ANO3: variants seen among roughly 807,000 people sequenced by gnomAD.
The protein encoded by ANO3 is anoctamin-3.
In ANO3, 99 loss-of-function variants were observed where a neutral mutation model predicts 144.8. The observed-to-expected ratio is 0.68, with a 90% confidence interval of 0.58 to 0.81. The LOEUF (loss-of-function observed/expected upper bound fraction) is 0.81. Among genes scored for constraint, ANO3 ranks in the 30% least tolerant of loss-of-function variants. The pLI is 0.00. For missense variants in ANO3, 905 were observed against 1,202.2 expected, an observed-to-expected ratio of 0.75 and a Z score of 3.66; for synonymous variants, 414 against 392.6, an observed-to-expected ratio of 1.05 and a Z score of -0.64.
Position 26,463,023 on chromosome 11 carries a change from T to C in ANO3, c.314-7T>C, listed in dbSNP as rs1859469146. On this transcript the variant is annotated splice_region_variant and splice_polypyrimidine_tract_variant and intron_variant, in intron 3 of 26. Transcript: ENST00000256737. ...AATGGATATAACTTTCTCTTTCTCT[T>C]TTATAGCCCTAGGAAAAGATAAGGA... 1 of 1,450,616 alleles carries C rather than the reference T, an allele frequency of 6.9e-7. No individual in the cohort carries two copies. Among genetic ancestry groups the C allele is most frequent in the Non-Finnish European group, 9.4e-7 (1 of 1,068,706 alleles). The allele number at this position is 1,450,616 out of a possible 1,614,324, so 89.9% of individuals were successfully genotyped here. A position where few individuals can be genotyped will look rare whatever the true frequency, so the allele number is the denominator to read the frequency against.
intron 1 of ANO3, among the ~76,000 whole-genome samples, chr11:26,371,308 T>G (rs1349142297): frequency 6.6e-6 from 1 of 152,168 alleles, no homozygotes; most frequent in African/African-American, 2.4e-5. Context: ...AAAGACAATA[T>G]TTGCATTTTG....
chr11:26,413,472 T>C (rs1317380047), intron 1 of ANO3, among the ~76,000 whole-genome samples: 3 of 152,078 alleles, frequency 2.0e-5, no homozygotes, highest in African/African-American at 7.2e-5. Flanking sequence ...TCAACTGCAG[T>C]GTAATTACTC....
intron 3 of ANO3, among the ~76,000 whole-genome samples, chr11:26,454,902 T>C (rs1859091675): frequency 6.7e-6 from 1 of 148,290 alleles, no homozygotes. Context: ...ATCCCTGGGA[T>C]GCAAGGCTGG....
chr11:26,446,992 T>C (rs2134030326), intron 3 of ANO3, among the ~76,000 whole-genome samples: 1 of 152,200 alleles, frequency 6.6e-6, no homozygotes, highest in East Asian at 1.9e-4. Flanking sequence ...GGAGGACTGC[T>C]TAAGCCCAGG....
chr11:26,245,020 T>TGTGTGTGTGTGC (rs1261271327), intron 1 of ANO3, among the ~76,000 whole-genome samples: 1 of 141,508 alleles, frequency 7.1e-6, no homozygotes, highest in African/African-American at 2.7e-5. Context: ...TGTGTGTGTG[T>TGTGTGTGTGTGC]GCATGCATGC....
intron 4 of ANO3, among the ~76,000 whole-genome samples, chr11:26,492,663 C>A (rs993370476): frequency 3.3e-5 from 5 of 152,198 alleles, no homozygotes; most frequent in African/African-American, 1.2e-4. Context: ...CTAATCAACT[C>A]ATTTATCTTC....
rs1183332896 is a variant in ANO3 at position 26,385,893 on chromosome 11, G to GTTTATATATATATA, written c.46+53573_46+53574insTTATATATATATAT. 4.9e-3 allele frequency among the ~76,000 whole-genome samples: 705 copies of GTTTATATATATATA among 143,762 alleles called. 5 individuals are homozygous for GTTTATATATATATA. Among genetic ancestry groups the GTTTATATATATATA allele is most frequent in the Non-Finnish European group, 8.0e-3 (527 of 65,914 alleles). The allele number at this position is 143,762 out of a possible 152,430, so 94.3% of individuals were successfully genotyped here. ...GATTTGTGTGAAGTTCTTTGTGTGTGTATATATATTTATATACATATTTAC... is the reference window on the plus strand; with the variant it reads ...GATTTGTGTGAAGTTCTTTGTGTGTGTTTATATATATATATATATATATTTATATACATATTTAC... On this transcript the variant is annotated intron_variant, in intron 1 of 26. Transcript: ENST00000256737.
intron 1 of ANO3, among the ~76,000 whole-genome samples, chr11:26,432,596 G>T (rs192856176): frequency 1.6e-4 from 25 of 152,148 alleles, no homozygotes; most frequent in Non-Finnish European, 2.9e-4. Flanking sequence ...TAAGGAAGGG[G>T]TCCAGTTTCA....
intron 1 of ANO3, among the ~76,000 whole-genome samples, chr11:26,203,611 T>C (rs1000064830): frequency 1.3e-5 from 2 of 152,138 alleles, no homozygotes; most frequent in Admixed American, 1.3e-4. Flanking sequence ...ACAATGGTTG[T>C]TTGTACAGAT....
intron 1 of ANO3, among the ~76,000 whole-genome samples, chr11:26,255,483 T>C (rs557468301): frequency 1.3e-5 from 2 of 152,254 alleles, no homozygotes; most frequent in Admixed American, 1.3e-4. Flanking sequence ...ACGTGAGAAA[T>C]CTTAGTACTC....
chr11:26,243,465 A>G (rs1590212433), intron 1 of ANO3, among the ~76,000 whole-genome samples: 1 of 149,470 alleles, frequency 6.7e-6, no homozygotes, highest in Non-Finnish European at 1.5e-5. Context: ...TGCAATAAAG[A>G]AAAAAAAAAG....
At chr11:26,624,093 TG>T (rs1406447639) in intron 17 of ANO3, among the ~76,000 whole-genome samples, 12 of 152,170 alleles carry the variant, frequency 7.9e-5, no homozygotes, top group African/African-American at 2.4e-4. Context: ...GCCAAAAAAC[TG>T]TAATTTTGAG....
chr11:26,306,298 A>G (rs188880100), upstream of ANO3, among the ~76,000 whole-genome samples: 1 of 152,128 alleles, frequency 6.6e-6, no homozygotes, highest in Non-Finnish European at 1.5e-5. Context: ...TTGTCTTTCA[A>G]GAACTTAATC....
intron 3 of ANO3, among the ~76,000 whole-genome samples, chr11:26,449,828 C>T (rs1436416092): frequency 1.3e-5 from 2 of 151,958 alleles, no homozygotes; most frequent in Non-Finnish European, 2.9e-5. Flanking sequence ...ACGATCTCGG[C>T]TCACTGCAAC....
intron 1 of ANO3, among the ~76,000 whole-genome samples, chr11:26,423,309 CTT>C (rs142064982): frequency 0.11 from 15,199 of 135,174 alleles, 901 homozygotes; most frequent in African/African-American, 0.16. Flanking sequence ...TACCTTTATA[CTT>C]TTTTTTTTTT....
intron 1 of ANO3, among the ~76,000 whole-genome samples, chr11:26,206,465 G>T (rs1030866665): frequency 2.0e-5 from 3 of 151,940 alleles, no homozygotes; most frequent in Non-Finnish European, 4.4e-5. Context: ...TTCCTTCCTA[G>T]ACAATGTCAA....
chr11:26,586,281 G>C (rs1305572931), intron 14 of ANO3, among the ~76,000 whole-genome samples: 1 of 150,904 alleles, frequency 6.6e-6, no homozygotes, highest in East Asian at 1.9e-4. Context: ...GATTCAGTTA[G>C]TTTGTCAGTT....
intron 1 of ANO3, among the ~76,000 whole-genome samples, chr11:26,378,144 GTAAA>G (rs1217824283): frequency 6.6e-6 from 1 of 151,726 alleles, no homozygotes; most frequent in Non-Finnish European, 1.5e-5. Flanking sequence ...TGAAATGTGA[GTAAA>G]TATAAACAAT....
intron 1 of ANO3, among the ~76,000 whole-genome samples, chr11:26,265,644 A>G (rs995485633): frequency 2.0e-5 from 3 of 152,228 alleles, no homozygotes; most frequent in Admixed American, 6.5e-5. Context: ...TTTATCCTAT[A>G]GACAAGTAGA....
Sources: gnomAD v4.1 joint callset for allele counts (sites outside exome capture counted in the v4.1 genomes callset) on GRCh38, gnomAD v4.1.1 for gene constraint, MANE v1.5 for transcripts, NCBI Gene and HGNC (gene_info 2026-07-23, HGNC 2026-07-21) for gene names.